The following MARCHF1 variants were observed in gnomAD, a reference collection of about 807,000 sequenced individuals.
MARCHF1 encodes the protein E3 ubiquitin-protein ligase MARCHF1.
A neutral mutation model predicts 54.2 loss-of-function variants in MARCHF1; 40 were observed. That is an observed-to-expected ratio of 0.74 (90% CI 0.57 to 0.96). The LOEUF (loss-of-function observed/expected upper bound fraction) is 0.96, where lower values mean the gene tolerates loss of function less well. Ranked by LOEUF, MARCHF1 falls within the 40% of genes least tolerant of loss-of-function variation. The pLI is 0.00. For missense variants in MARCHF1, 586 were observed against 656.5 expected (o/e 0.89, Z 1.17); for synonymous variants, 236 against 236.3 (o/e 1.00, Z 0.01).
At chr4:163,788,128 G>A (rs1199449827) in intron 4 of MARCHF1, among the ~76,000 whole-genome samples, 1 of 151,770 alleles carries the variant, frequency 6.6e-6, no homozygotes, top group Non-Finnish European at 1.5e-5. Context: ...GATGGAAAAA[G>A]TTAGAGATCT....
intron 5 of MARCHF1, among the ~76,000 whole-genome samples, chr4:163,681,378 T>G (rs1045042299): frequency 3.3e-5 from 5 of 152,208 alleles, no homozygotes; most frequent in African/African-American, 4.8e-5. Context: ...AACTGGCATG[T>G]ACAGTTACAC....
intron 3 of MARCHF1, among the ~76,000 whole-genome samples, chr4:163,960,330 A>G (rs1752321319): frequency 6.6e-6 from 1 of 152,092 alleles, no homozygotes; most frequent in Non-Finnish European, 1.5e-5. Context: ...AATATAAATC[A>G]TTCTATCATA....
rs562071783 is a variant in MARCHF1 at position 164,264,321 on chromosome 4, TG to T, written c.-323+119548del. Among the ~76,000 whole-genome samples the T allele has an allele frequency of 3.1e-3, 469 of 152,032 alleles. 2 individuals carry two copies. The highest frequency in any genetic ancestry group is 0.011 in the African/African-American group (447 of 41,474). ...TGAACACAACGAATAAAACAGACAC[TG>T]GGGTCTACATGAGGGTGGAGTGTGA... On this transcript the variant is annotated intron_variant, in intron 1 of 9. Coordinates refer to ENST00000514618, the MANE Select transcript of MARCHF1 (RefSeq NM_001394959.1).
intron 5 of MARCHF1, among the ~76,000 whole-genome samples, chr4:163,622,534 T>G (rs1161268030): frequency 6.6e-6 from 1 of 152,210 alleles, no homozygotes; most frequent in Non-Finnish European, 1.5e-5. Flanking sequence ...AATCACATGC[T>G]TTCCTTCCTT....
chr4:164,139,999 A>T (rs1311001258), intron 1 of MARCHF1, among the ~76,000 whole-genome samples: 1 of 152,048 alleles, frequency 6.6e-6, no homozygotes, highest in Non-Finnish European at 1.5e-5. Context: ...CTGTTTTTTC[A>T]GGTATAACCT....
chr4:163,934,177 T>A (rs1237711076), intron 3 of MARCHF1, among the ~76,000 whole-genome samples: 1 of 152,170 alleles, frequency 6.6e-6, no homozygotes, highest in African/African-American at 2.4e-5. Flanking sequence ...GCACTGCTAA[T>A]CATTGACTAT....
intron 1 of MARCHF1, among the ~76,000 whole-genome samples, chr4:164,152,145 T>C (rs970300489): frequency 6.6e-6 from 1 of 152,172 alleles, no homozygotes; most frequent in Non-Finnish European, 1.5e-5. Flanking sequence ...CAAATAAACA[T>C]GTACCTACAT....
At chr4:164,026,868 T>A (rs1753779273) in intron 2 of MARCHF1, among the ~76,000 whole-genome samples, 1 of 152,086 alleles carries the variant, frequency 6.6e-6, no homozygotes. Flanking sequence ...GCTCCTGGAA[T>A]AAAATAAATG....
intron 1 of MARCHF1, among the ~76,000 whole-genome samples, chr4:164,158,495 G>A (rs1730136169): frequency 6.6e-6 from 1 of 152,028 alleles, no homozygotes; most frequent in African/African-American, 2.4e-5. Context: ...ACAAAAGTCA[G>A]CCAAGTGTGG....
chr4:164,040,083 T>A (rs1287728938), intron 2 of MARCHF1, among the ~76,000 whole-genome samples: 2 of 146,016 alleles, frequency 1.4e-5, no homozygotes, highest in Non-Finnish European at 3.0e-5. Flanking sequence ...TATATATGCA[T>A]ATATACATAT....
Position 163,896,450 on chromosome 4 carries a change from A to G in MARCHF1, c.-38-42281T>C, listed in dbSNP as rs532477571. On this transcript the variant is annotated intron_variant, in intron 3 of 9. Coordinates refer to ENST00000514618, the MANE Select transcript of MARCHF1 (RefSeq NM_001394959.1). ...GGTCAAAATAAGGCATTCTCTCCTTATTGTTTTTAGGGATTTCTCAGAATC... is the reference window on the plus strand; with the variant it reads ...GGTCAAAATAAGGCATTCTCTCCTTGTTGTTTTTAGGGATTTCTCAGAATC... Among the ~76,000 whole-genome samples the G allele has an allele frequency of 2.0e-5, 3 of 152,220 alleles. No homozygotes were observed. The East Asian group carries it at 5.8e-4, about 29-fold the overall frequency.
intron 3 of MARCHF1, among the ~76,000 whole-genome samples, chr4:163,923,195 T>C (rs1751469178): frequency 6.6e-6 from 1 of 152,160 alleles, no homozygotes; most frequent in African/African-American, 2.4e-5. Context: ...TGGAACTCAC[T>C]TCTAACTGCT....
intron 4 of MARCHF1, among the ~76,000 whole-genome samples, chr4:163,720,006 T>G (rs963053331): frequency 5.9e-5 from 9 of 152,218 alleles, no homozygotes; most frequent in Non-Finnish European, 8.8e-5. Context: ...TAGTTTCTTT[T>G]GCTGTGCAGA....
chr4:164,348,592 G>A (rs1730184107), intron 1 of MARCHF1, among the ~76,000 whole-genome samples: 2 of 152,146 alleles, frequency 1.3e-5, no homozygotes, highest in Admixed American at 1.3e-4. Context: ...GACAGATCTT[G>A]AGAAACACAG....
chr4:163,612,784 T>C lies in MARCHF1; in HGVS notation c.497A>G (p.Asp166Gly). The C allele has an allele frequency of 6.5e-7, 1 of 1,535,460 alleles. No homozygotes were observed. Residue 166 changes from aspartate (D) to glycine (G), a missense_variant, in exon 7 of 10, where the codon GAT becomes GGT. Physicochemically the swap from Asp to Gly is moderately conservative, Grantham distance 94 (BLOSUM62 -1). Around this residue, in one of 3 missense-constraint regions of MARCHF1, gnomAD observed 387 missense variants for 394.6 expected, o/e 0.98. Coordinates refer to ENST00000514618, the MANE Select transcript of MARCHF1 (RefSeq NM_001394959.1). Reference protein sequence around the residue: ...YTDSSDSSSTDESHWIQAKRR... With the variant: ...YTDSSDSSSTGESHWIQAKRR... ...TTTTGCCTGAATCCAATGACTCTCA[T>C]CTGTGGAAGATGAATCTGAAGAATC...
chr4:164,059,846 TTAATA>T (rs1470087287), intron 2 of MARCHF1, among the ~76,000 whole-genome samples: 1 of 152,174 alleles, frequency 6.6e-6, no homozygotes, highest in Admixed American at 6.5e-5. Context: ...AGATTTCATC[TTAATA>T]TGTTTCATAA....
chr4:164,045,686 A>T (rs1264888020), intron 2 of MARCHF1, among the ~76,000 whole-genome samples: 1 of 151,200 alleles, frequency 6.6e-6, no homozygotes, highest in East Asian at 1.9e-4. Context: ...TTAGTAAAAA[A>T]AAAAAACAGC....
At chr4:163,826,262 A>C (rs1276962106) in intron 4 of MARCHF1, among the ~76,000 whole-genome samples, 1 of 152,088 alleles carries the variant, frequency 6.6e-6, no homozygotes, top group Non-Finnish European at 1.5e-5. Context: ...GACATTGGCA[A>C]TTTACTTGCC....
intron 2 of MARCHF1, among the ~76,000 whole-genome samples, chr4:164,026,945 G>C (rs982121444): frequency 6.6e-6 from 1 of 151,850 alleles, no homozygotes; most frequent in Admixed American, 6.6e-5. Context: ...CACTAATCAT[G>C]GTCAAGCTGA....
Sources: allele counts gnomAD v4.1 joint callset (sites outside exome capture counted in the v4.1 genomes callset), GRCh38; gene constraint gnomAD v4.1.1; regional missense constraint gnomAD v4.1.1; transcripts MANE v1.5; gene names NCBI Gene and HGNC (gene_info 2026-07-23, HGNC 2026-07-21).